Variants in CENPF observed in about 807,000 individuals in gnomAD.
CENPF encodes the protein centromere protein F, also known as AH antigen.
CENPF carries 214 observed loss-of-function variants against 307.3 expected under a neutral mutation model. The observed-to-expected ratio is 0.70, with a 90% CI of 0.62 to 0.78. The LOEUF (loss-of-function observed/expected upper bound fraction) is 0.78, where lower values mean the gene tolerates loss of function less well. CENPF is among the 30% of genes least tolerant of loss of function. CENPF has a pLI of 0.00. For synonymous variants in CENPF, 1,259 were observed against 1,270.6 expected (o/e 0.99, Z 0.19); for missense variants, 3,401 against 3,483.9 (o/e 0.98, Z 0.60).
In CENPF at chr1:214,658,967, T is replaced by G. The variant is rs1658719569; in HGVS notation, c.9080T>G (p.Leu3027Arg). ...AAGTTAGCGCTATCCCCACTGAGTC[T>G]CGGCAAAGAAAATCTTGCAGAGTCC... is the stretch of plus-strand genomic sequence containing the variant. ...AQKLALSPLS[L>R]GKENLAESSK... Residue 3027 changes from leucine to arginine, a missense_variant, in exon 19 of 20, where the codon CTC becomes CGC. Coordinates refer to ENST00000366955, the MANE Select transcript of CENPF (RefSeq NM_016343.4). The G allele has an allele frequency of 1.2e-6, 2 of 1,613,938 alleles. No individual in the cohort carries two copies. Among genetic ancestry groups the G allele is most frequent in the Admixed American group, 3.3e-5 (2 of 59,994 alleles).
rs190465721 is a variant in CENPF at position 214,610,208 on chromosome 1, C to A, written c.-41-3506C>A. 4.2e-3 allele frequency among the ~76,000 whole-genome samples: 640 copies of A among 152,160 alleles called. 9 individuals are homozygous for A. Among genetic ancestry groups the A allele is most frequent in the African/African-American group, 0.014 (591 of 41,500 alleles). ...ATTTATATTCCTCTGGGTATATACC[C>A]AGGAATGAGATTGCTGGGTTGAATG... is the stretch of plus-strand genomic sequence containing the variant. On this transcript the variant is annotated intron_variant, in intron 1 of 19. Transcript: ENST00000366955.
In CENPF at chr1:214,651,874, C is replaced by T; in HGVS notation, c.8148C>T (p.Asp2716=). 1.2e-6 allele frequency: 2 copies of T among 1,602,980 alleles called. No individual in the cohort carries two copies. Among genetic ancestry groups the T allele is most frequent in the Non-Finnish European group, 1.7e-6 (2 of 1,176,740 alleles). The change falls in exon 15 of 20, where the codon GAC becomes GAT. Residue 2716 remains aspartate (D), a synonymous_variant. Transcript: ENST00000366955. ...AEKKHQALLL[D]TNKQYEVEIQ... Reference sequence around the variant, plus strand: ...AGAAACACCAGGCTTTGCTTTTGGACACAAACAAACAGGTGAAATGTGGGG... The same window carrying T: ...AGAAACACCAGGCTTTGCTTTTGGATACAAACAAACAGGTGAAATGTGGGG...
At chr1:214,608,566 T>A in intron 1 of CENPF, 3 of 1,610,582 alleles carry the variant, frequency 1.9e-6, no homozygotes, top group Non-Finnish European at 2.5e-6. Context: ...GCGGGCGCTC[T>A]TGGTGGGGAA....
Position 214,620,911 on chromosome 1 carries a change from C to T in CENPF, c.830C>T (p.Pro277Leu). The T allele has an allele frequency of 6.2e-7, 1 of 1,612,488 alleles. No homozygotes were observed. The highest frequency in any genetic ancestry group is 8.5e-7 in the Non-Finnish European group (1 of 1,179,340). Reference protein sequence around the residue: ...NSSFFDNSSSPHLLDQLKAQN... With the variant: ...NSSFFDNSSSLHLLDQLKAQN... ...AGTTTCTTTGACAATTCTAGCAGTC[C>T]TCATCTTTTGGATCAATTAAAAGCG... The change falls in exon 6 of 20, where the codon CCT becomes CTT. Residue 277 changes from proline (P) to leucine (L), a missense_variant. Pro to Leu is a moderately conservative substitution (Grantham distance 98, BLOSUM62 -3). Transcript: ENST00000366955.
At position 214,640,487 on chromosome 1, in the gene CENPF, G is replaced by A. The variant is rs369218990; in HGVS notation, c.2149G>A (p.Glu717Lys). 3 of 1,613,954 alleles carry A rather than the reference G, an allele frequency of 1.9e-6. No individual in the cohort carries two copies. Among genetic ancestry groups the A allele is most frequent in the African/African-American group, 1.3e-5 (1 of 74,922 alleles). The change falls in exon 12 of 20, where the codon GAA (glutamate) becomes AAA (lysine). Residue 717 changes from glutamate to lysine, a missense_variant. Coordinates refer to ENST00000366955, the MANE Select transcript of CENPF (RefSeq NM_016343.4). ...AEFSDQKHQK[E>K]IENMCLKTSQ... Reference sequence around the variant, plus strand: ...GTTCTCAGATCAGAAACATCAGAAGGAAATAGAAAATATGTGTTTGAAGAC... The same window carrying A: ...GTTCTCAGATCAGAAACATCAGAAGAAAATAGAAAATATGTGTTTGAAGAC...
Position 214,655,277 on chromosome 1 carries a change from G to A in CENPF, c.8359G>A (p.Glu2787Lys), listed in dbSNP as rs774276888. 2 of 1,606,140 alleles carry A rather than the reference G, an allele frequency of 1.2e-6. No individual in the cohort carries two copies. The highest frequency in any genetic ancestry group is 1.1e-5 in the South Asian group (1 of 89,034). The change falls in exon 17 of 20, where the codon GAA becomes AAA. Residue 2787 changes from glutamate (E) to lysine (K), a missense_variant. Physicochemically the swap from Glu to Lys is moderately conservative, Grantham distance 56 (BLOSUM62 1). Coordinates refer to ENST00000366955, the MANE Select transcript of CENPF (RefSeq NM_016343.4). ...AAAATATGTAAATCAGTTGAAGAAGGAAAATGAACGTGCCCAGGGGAAAAT... is the reference window on the plus strand; with the variant it reads ...AAAATATGTAAATCAGTTGAAGAAGAAAAATGAACGTGCCCAGGGGAAAAT... Reference protein sequence around the residue: ...NLKYVNQLKKENERAQGKMKL... With the variant: ...NLKYVNQLKKKNERAQGKMKL...
intron 3 of CENPF, 139 bp downstream of exon 3, chr1:214,615,167 A>C (rs2102531692): frequency 1.9e-6 from 1 of 528,208 alleles, no homozygotes; most frequent in Middle Eastern, 5.1e-4. Flanking sequence ...CGGTCTCTGT[A>C]CCGTAACTTG....
intron 15 of CENPF, 24 bp downstream of exon 15, chr1:214,651,910 G>T (rs978788987): frequency 1.3e-6 from 2 of 1,573,060 alleles, no homozygotes; most frequent in Non-Finnish European, 1.7e-6. Context: ...TTTGGTTACT[G>T]GGGGAGCTGG....
chr1:214,647,276 T>G lies in CENPF; in HGVS notation c.7706T>G (p.Ile2569Ser), dbSNP rs750910709. 1 of 1,614,060 alleles carries G rather than the reference T, an allele frequency of 6.2e-7. No individual in the cohort carries two copies. Among genetic ancestry groups the G allele is most frequent in the Non-Finnish European group, 8.5e-7 (1 of 1,179,952 alleles). Reference protein sequence around the residue: ...RNLTVELEQKIQVLQSKNASL... With the variant: ...RNLTVELEQKSQVLQSKNASL... ...CTGACAGTGGAATTGGAGCAGAAGATCCAAGTGCTACAATCCAAAAATGCC... is the reference window on the plus strand; with the variant it reads ...CTGACAGTGGAATTGGAGCAGAAGAGCCAAGTGCTACAATCCAAAAATGCC... The change falls in exon 13 of 20, where the codon ATC becomes AGC. Residue 2569 changes from isoleucine (I) to serine (S), a missense_variant. Ile to Ser is a moderately radical substitution (Grantham distance 142). Transcript: ENST00000366955.
chr1:214,634,484 A>C (rs181652232), intron 10 of CENPF, among the ~76,000 whole-genome samples: 36 of 152,302 alleles, frequency 2.4e-4, no homozygotes, highest in Admixed American at 2.0e-3. Context: ...ACAGTGGCTT[A>C]CCCTTTCTCA....
chr1:214,630,729 T>C, intron 9 of CENPF, 67 bp downstream of exon 9: 1 of 1,556,074 alleles, frequency 6.4e-7, no homozygotes, highest in South Asian at 1.2e-5. Flanking sequence ...GTTACTTCTC[T>C]ACCATAACTG....
chr1:214,617,262 GA>G (rs1207355532), intron 3 of CENPF, among the ~76,000 whole-genome samples: 9 of 151,996 alleles, frequency 5.9e-5, no homozygotes, highest in Non-Finnish European at 1.3e-4. Context: ...TGGCCAGGCT[GA>G]TCTCGAACTC....
chr1:214,655,472 C>T (rs552189328), intron 17 of CENPF, 69 bp downstream of exon 17: 149 of 1,253,224 alleles, frequency 1.2e-4, no homozygotes, highest in South Asian at 9.2e-4. Flanking sequence ...ATATGGTATG[C>T]GTGCATAGGA....
chr1:214,663,743 C>T lies in CENPF; in HGVS notation c.9294C>T (p.Ser3098=). ...LRVKRGRLVP[S]PKAGLESNGS... ...TCAAGCGAGGCCGACTTGTCCCCAG[C>T]CCCAAAGCTGGACTGGAGTCCAACG... is the stretch of plus-strand genomic sequence containing the variant. Residue 3098 remains serine, a synonymous_variant, in exon 20 of 20, where the codon AGC becomes AGT. Coordinates refer to ENST00000366955, the MANE Select transcript of CENPF (RefSeq NM_016343.4). 6.2e-7 allele frequency: 1 copy of T among 1,614,042 alleles called. No individual in the cohort carries two copies. Among genetic ancestry groups the T allele is most frequent in the Non-Finnish European group, 8.5e-7 (1 of 1,180,024 alleles).
intron 12 of CENPF, among the ~76,000 whole-genome samples, chr1:214,644,216 T>G (rs1658215123): frequency 2.0e-5 from 3 of 152,246 alleles, no homozygotes; most frequent in Admixed American, 6.5e-5. Flanking sequence ...AGCCTCTTAT[T>G]TAATAATTAC....
Position 214,642,457 on chromosome 1 carries a change from A to G in CENPF, c.4119A>G (p.Pro1373=). The G allele has an allele frequency of 6.3e-7, 1 of 1,599,910 alleles. No individual in the cohort carries two copies. Among genetic ancestry groups the G allele is most frequent in the East Asian group, 2.2e-5 (1 of 44,762 alleles). ...CAGGAGGTGAATTTGGTGAACAACC[A>G]AATGAACAGCACCCTGTGTCTTTGG... ...DIPGGEFGEQ[P]NEQHPVSLAP... is the part of the protein sequence containing the mutation. Residue 1373 remains proline, a synonymous_variant, in exon 12 of 20, where the codon CCA becomes CCG. Coordinates refer to ENST00000366955, the MANE Select transcript of CENPF (RefSeq NM_016343.4).
chr1:214,637,406 T>G (rs1377743122), intron 10 of CENPF, among the ~76,000 whole-genome samples: 1 of 152,222 alleles, frequency 6.6e-6, no homozygotes, highest in African/African-American at 2.4e-5. Flanking sequence ...CACAGAATCA[T>G]TCCTGTAACA....
Position 214,630,531 on chromosome 1 carries a change from C to G in CENPF, c.1195-3C>G, listed in dbSNP as rs769531936. 1 of 1,613,994 alleles carries G rather than the reference C, an allele frequency of 6.2e-7. No individual in the cohort carries two copies. The highest frequency in any genetic ancestry group is 1.7e-5 in the Admixed American group (1 of 60,014). On this transcript the variant is annotated splice_region_variant and splice_polypyrimidine_tract_variant and intron_variant, in intron 8 of 19. Coordinates refer to ENST00000366955, the MANE Select transcript of CENPF (RefSeq NM_016343.4). ...GCTGATGCACCTGCCCTTTGTTTTT[C>G]AGGAGCTCTCCCGTCAACAGCGTTC...
chr1:214,638,048 C>A, intron 11 of CENPF, 47 bp downstream of exon 11: 1 of 1,535,422 alleles, frequency 6.5e-7, no homozygotes, highest in Non-Finnish European at 8.8e-7. Flanking sequence ...GCTGCTATTC[C>A]CGTGAGAGGG....
Sources: gnomAD v4.1 joint callset for allele counts (sites outside exome capture counted in the v4.1 genomes callset) on GRCh38, gnomAD v4.1.1 for gene constraint, MANE v1.5 for transcripts, NCBI Gene and HGNC (gene_info 2026-07-23, HGNC 2026-07-21) for gene names.